STPG2: variants seen among roughly 807,000 people sequenced by gnomAD.
STPG2 encodes the protein sperm tail PG-rich repeat containing 2, also known as sperm-tail PG-rich repeat-containing protein 2.
In STPG2, 56 loss-of-function variants were observed where a neutral mutation model predicts 54.2. That is an observed-to-expected ratio of 1.03 (90% confidence interval 0.83 to 1.29). STPG2 has a LOEUF of 1.29. STPG2 is among the 50% of genes most tolerant of loss of function. The pLI is 0.00. For synonymous variants in STPG2, 200 were observed against 181.8 expected (o/e 1.10, Z -0.81); for missense variants, 596 against 544.9 (o/e 1.09, Z -0.93).
At chr4:97,583,322 G>A (rs1036157581) in intron 10 of STPG2, among the ~76,000 whole-genome samples, 1 of 151,970 alleles carries the variant, frequency 6.6e-6, no homozygotes, top group Non-Finnish European at 1.5e-5. Flanking sequence ...ACTGTACACT[G>A]TCAGTTAACT....
chr4:97,557,907 A>G (rs983401736), downstream of STPG2, among the ~76,000 whole-genome samples: 2 of 152,244 alleles, frequency 1.3e-5, no homozygotes, highest in Non-Finnish European at 2.9e-5. Context: ...TATCAACACC[A>G]ACGAAGAAAG....
Position 97,562,540 on chromosome 4 carries a change from G to C in STPG2, c.1321-3423C>G, listed in dbSNP as rs368107643. On this transcript the variant is annotated intron_variant, in intron 10 of 10. Coordinates refer to ENST00000295268, the MANE Select transcript of STPG2 (RefSeq NM_174952.3). ...GTGCCAGTTTTCAAAGGGAATGCTT[G>C]CAGTTTTTGCCCATTCAGTATGATA... 4.3e-3 allele frequency among the ~76,000 whole-genome samples: 651 copies of C among 152,192 alleles called. 4 individuals carry two copies. Among genetic ancestry groups the C allele is most frequent in the South Asian group, 0.02 (98 of 4,818 alleles).
intron 5 of STPG2, among the ~76,000 whole-genome samples, chr4:98,009,439 A>G (rs1295569598): frequency 6.6e-6 from 1 of 152,058 alleles, no homozygotes; most frequent in African/African-American, 2.4e-5. Context: ...TTATGATTCA[A>G]AAAGATACTT....
At chr4:97,677,683 T>C (rs952439042) in intron 10 of STPG2, among the ~76,000 whole-genome samples, 13 of 152,142 alleles carry the variant, frequency 8.5e-5, no homozygotes, top group Non-Finnish European at 1.3e-4. Flanking sequence ...TCCTGGCATA[T>C]AGAACTTAGA....
At chr4:97,713,096 G>C (rs1454478064) in intron 9 of STPG2, among the ~76,000 whole-genome samples, 1 of 152,138 alleles carries the variant, frequency 6.6e-6, no homozygotes, top group East Asian at 1.9e-4. Flanking sequence ...CATGAATGAA[G>C]ATGCTTAACT....
intron 4 of STPG2, among the ~76,000 whole-genome samples, chr4:97,548,917 T>C (rs191315403): frequency 5.6e-4 from 40 of 71,808 alleles, no homozygotes; most frequent in Admixed American, 2.6e-3. Context: ...TGCCCTACTA[T>C]ACCAGATTAT....
chr4:97,927,642 C>T (rs1465929636), intron 8 of STPG2, among the ~76,000 whole-genome samples: 1 of 151,896 alleles, frequency 6.6e-6, no homozygotes, highest in African/African-American at 2.4e-5. Flanking sequence ...CTATCATATT[C>T]ATTTTAGTCA....
chr4:97,577,558 C>A (rs917884403), intron 10 of STPG2, among the ~76,000 whole-genome samples: 10 of 152,012 alleles, frequency 6.6e-5, no homozygotes, highest in African/African-American at 2.4e-4. Context: ...AACATGGGAA[C>A]AACAGACACT....
chr4:98,067,201 G>C (rs1244976987), intron 5 of STPG2, among the ~76,000 whole-genome samples: 1 of 152,146 alleles, frequency 6.6e-6, no homozygotes, highest in Admixed American at 6.6e-5. Context: ...AAAATTAAAA[G>C]TATATGTGGT....
At chr4:97,692,316 A>C (rs1204306388) in intron 10 of STPG2, among the ~76,000 whole-genome samples, 2 of 150,490 alleles carry the variant, frequency 1.3e-5, no homozygotes, top group Non-Finnish European at 3.0e-5. Flanking sequence ...AAAAAAAAAA[A>C]CCTCAAGTGA....
chr4:97,784,623 A>G (rs1180224929), intron 9 of STPG2, among the ~76,000 whole-genome samples: 1 of 152,118 alleles, frequency 6.6e-6, no homozygotes, highest in East Asian at 1.9e-4. Flanking sequence ...ATATTGAATC[A>G]GTAGGAATAC....
At chr4:97,679,942 T>G (rs1208257539) in intron 10 of STPG2, among the ~76,000 whole-genome samples, 1 of 151,618 alleles carries the variant, frequency 6.6e-6, no homozygotes, top group African/African-American at 2.4e-5. Context: ...GTTGTAGATA[T>G]GTGGCGTTAT....
At chr4:97,990,923 T>G (rs1469308742) in intron 5 of STPG2, among the ~76,000 whole-genome samples, 2 of 152,212 alleles carry the variant, frequency 1.3e-5, no homozygotes, top group Non-Finnish European at 2.9e-5. Flanking sequence ...TACCATTTTT[T>G]TCTTCCAATA....
At chr4:98,135,675 G>C (rs1012796155) in intron 1 of STPG2, among the ~76,000 whole-genome samples, 1 of 151,580 alleles carries the variant, frequency 6.6e-6, no homozygotes, top group Non-Finnish European at 1.5e-5. Context: ...AAGAGGAGAG[G>C]GAAAGGTAAA....
At chr4:98,000,866 A>G (rs917150741) in intron 5 of STPG2, among the ~76,000 whole-genome samples, 3 of 152,160 alleles carry the variant, frequency 2.0e-5, no homozygotes, top group Admixed American at 1.3e-4. Context: ...TTAGCTGACT[A>G]TATGTTCAGT....
chr4:97,694,812 C>CAAAAAAAAAAAA lies in STPG2; in HGVS notation c.1320+17875_1320+17886dup, dbSNP rs70953083. Among the ~76,000 whole-genome samples the CAAAAAAAAAAAA allele has an allele frequency of 2.3e-4, 10 of 44,044 alleles. 1 individual carries two copies. The highest frequency in any genetic ancestry group is 8.9e-4 in the Admixed American group (2 of 2,256). The allele number at this position is 44,044 out of a possible 152,430, so 28.9% of individuals were successfully genotyped here. Reference sequence around the variant, plus strand: ...TGGGTTACAGAGCAAGACTCTGTCACAAAAAAAAAAAAAAAAAAAAAAAAA... The same window carrying CAAAAAAAAAAAA: ...TGGGTTACAGAGCAAGACTCTGTCACAAAAAAAAAAAAAAAAAAAAAAAAAAAAAAAAAAAAA... On this transcript the variant is annotated intron_variant, in intron 10 of 10. Coordinates refer to ENST00000295268, the MANE Select transcript of STPG2 (RefSeq NM_174952.3).
intron 9 of STPG2, among the ~76,000 whole-genome samples, chr4:97,741,849 C>G (rs1423735013): frequency 6.6e-6 from 1 of 152,114 alleles, no homozygotes; most frequent in Non-Finnish European, 1.5e-5. Flanking sequence ...TTTGACCAAG[C>G]CATCCCATTA....
intron 4 of STPG2, among the ~76,000 whole-genome samples, chr4:97,447,046 T>C (rs1729240293): frequency 6.6e-6 from 1 of 152,160 alleles, no homozygotes; most frequent in African/African-American, 2.4e-5. Context: ...TGTTAAATGG[T>C]TTTGACCAAA....
intron 5 of STPG2, among the ~76,000 whole-genome samples, chr4:97,988,605 A>C (rs1190243908): frequency 1.3e-5 from 2 of 152,088 alleles, no homozygotes; most frequent in African/African-American, 4.8e-5. Flanking sequence ...GCCATTTCTA[A>C]TTCTTATATT....
Sources: allele counts gnomAD v4.1 joint callset (sites outside exome capture counted in the v4.1 genomes callset), GRCh38; gene constraint gnomAD v4.1.1; transcripts MANE v1.5; gene names NCBI Gene and HGNC (gene_info 2026-07-23, HGNC 2026-07-21).